TNFSF4: variants seen among roughly 807,000 people sequenced by gnomAD.
The protein encoded by TNFSF4 is TNF superfamily member 4.
In TNFSF4, 4 loss-of-function variants were observed where a neutral mutation model predicts 7.3. That is an observed-to-expected ratio of 0.55 (90% confidence interval 0.27 to 1.25). The LOEUF (loss-of-function observed/expected upper bound fraction) is 1.25, where lower values mean the gene tolerates loss of function less well. Ranked by LOEUF, TNFSF4 falls within the 50% of genes most tolerant of loss-of-function variation. The pLI is 0.12. For missense variants in TNFSF4, 181 were observed against 208.8 expected (o/e 0.87, Z 0.82); for synonymous variants, 76 against 83.7 (o/e 0.91, Z 0.50).
the TNFSF4 span, among the ~76,000 whole-genome samples, chr1:173,247,820 C>T: frequency 6.6e-6 from 1 of 152,166 alleles, no homozygotes; most frequent in Non-Finnish European, 1.5e-5. Flanking sequence ...CTTCGTGATA[C>T]ATTTATGAAT....
At chr1:173,234,506 T>C in the TNFSF4 span, among the ~76,000 whole-genome samples, 1 of 152,144 alleles carries the variant, frequency 6.6e-6, no homozygotes, top group Non-Finnish European at 1.5e-5. Context: ...GTATGTTTAT[T>C]GCAGCACTAT....
chr1:173,345,730 A>C, the TNFSF4 span, among the ~76,000 whole-genome samples: 3 of 152,206 alleles, frequency 2.0e-5, no homozygotes, highest in Admixed American at 1.3e-4. Context: ...CAAAAAGAGG[A>C]CTTGGAGAAG....
At chr1:173,223,878 G>A in the TNFSF4 span, among the ~76,000 whole-genome samples, 9 of 152,176 alleles carry the variant, frequency 5.9e-5, no homozygotes, top group African/African-American at 1.7e-4. Flanking sequence ...GGTGGTGGCC[G>A]AAAGCAGAAC....
the TNFSF4 span, among the ~76,000 whole-genome samples, chr1:173,176,830 A>T: frequency 9.2e-5 from 14 of 152,226 alleles, no homozygotes; most frequent in African/African-American, 2.9e-4. Flanking sequence ...AGCAACACGG[A>T]TGGAACTGGA....
At chr1:173,373,187 GA>G in the TNFSF4 span, among the ~76,000 whole-genome samples, 1 of 152,204 alleles carries the variant, frequency 6.6e-6, no homozygotes. Context: ...AATACCACAA[GA>G]AAATCATGAA....
chr1:173,215,260 C>T, the TNFSF4 span, among the ~76,000 whole-genome samples: 2 of 152,080 alleles, frequency 1.3e-5, no homozygotes, highest in African/African-American at 4.8e-5. Flanking sequence ...TTCCAGCCTC[C>T]AGAACTGTGA....
chr1:173,213,193 C>T, the TNFSF4 span, among the ~76,000 whole-genome samples: 36 of 152,284 alleles, frequency 2.4e-4, no homozygotes, highest in South Asian at 7.0e-3. Context: ...ATGTGAACTC[C>T]TGTGATGATA....
the TNFSF4 span, among the ~76,000 whole-genome samples, chr1:173,400,201 A>G: frequency 6.6e-6 from 1 of 152,234 alleles, no homozygotes; most frequent in Non-Finnish European, 1.5e-5. Flanking sequence ...GTTTTCCACC[A>G]TCCTGAAGCA....
the TNFSF4 span, among the ~76,000 whole-genome samples, chr1:173,355,316 A>T: frequency 5.6e-3 from 849 of 152,332 alleles, 7 homozygotes; most frequent in African/African-American, 0.019. Context: ...TATATAAGGT[A>T]ACAAAATCAC....
the TNFSF4 span, among the ~76,000 whole-genome samples, chr1:173,257,497 T>A: frequency 6.6e-6 from 1 of 152,272 alleles, no homozygotes; most frequent in East Asian, 1.9e-4. Flanking sequence ...CCCTCACTTC[T>A]GACCAACGGG....
chr1:173,405,553 T>G, the TNFSF4 span, among the ~76,000 whole-genome samples: 2 of 152,232 alleles, frequency 1.3e-5, no homozygotes, highest in Admixed American at 6.5e-5. Context: ...GATGTTACTT[T>G]AAGTATATGA....
the TNFSF4 span, among the ~76,000 whole-genome samples, chr1:173,214,999 A>C: frequency 1.3e-5 from 2 of 151,902 alleles, no homozygotes; most frequent in African/African-American, 4.8e-5. Flanking sequence ...GCAACCCCCG[A>C]CCCCAAATTC....
the TNFSF4 span, among the ~76,000 whole-genome samples, chr1:173,301,629 T>A: frequency 6.6e-6 from 1 of 151,722 alleles, no homozygotes; most frequent in South Asian, 2.1e-4. Context: ...ACACCATAGG[T>A]CATCTCCTCC....
At chr1:173,381,340 G>A in the TNFSF4 span, among the ~76,000 whole-genome samples, 105,516 of 150,840 alleles carry the variant, frequency 0.7, 36,993 homozygotes, top group African/African-American at 0.77. Context: ...GATGCCACCC[G>A]ACATTTACAG....
chr1:173,404,995 T>G, the TNFSF4 span, among the ~76,000 whole-genome samples: 1 of 152,188 alleles, frequency 6.6e-6, no homozygotes, highest in East Asian at 1.9e-4. Context: ...TCCATTTTAC[T>G]CTGCTCTATT....
At chr1:173,392,866 A>G in the TNFSF4 span, among the ~76,000 whole-genome samples, 1 of 152,202 alleles carries the variant, frequency 6.6e-6, no homozygotes, top group Non-Finnish European at 1.5e-5. Context: ...ATGAATTGCC[A>G]TTACAACTCC....
At chr1:173,348,303 C>T in the TNFSF4 span, among the ~76,000 whole-genome samples, 1 of 152,096 alleles carries the variant, frequency 6.6e-6, no homozygotes, top group African/African-American at 2.4e-5. Context: ...AAGGGAAACC[C>T]CTTTCACTTG....
downstream of TNFSF4, among the ~76,000 whole-genome samples, chr1:173,183,151 G>A (rs905347613): frequency 7.9e-5 from 12 of 152,292 alleles, no homozygotes; most frequent in African/African-American, 2.6e-4. Context: ...GAATAGGGCT[G>A]AGAGTAGAGT....
the TNFSF4 span, among the ~76,000 whole-genome samples, chr1:173,398,136 A>G: frequency 3.3e-5 from 5 of 152,122 alleles, no homozygotes; most frequent in African/African-American, 4.8e-5. Context: ...TCACTGTCCA[A>G]CCTCAGGGGT....
Sources: allele counts gnomAD v4.1 joint callset (sites outside exome capture counted in the v4.1 genomes callset), GRCh38; gene constraint gnomAD v4.1.1; transcripts MANE v1.5; gene names NCBI Gene and HGNC (gene_info 2026-07-23, HGNC 2026-07-21).